Variants in FBXL7 observed in about 807,000 individuals in gnomAD.
FBXL7 encodes F-box/LRR-repeat protein 7.
Under a neutral mutation model 38.3 loss-of-function variants are expected in FBXL7, and 12 were observed. The ratio of observed to expected loss-of-function variants is 0.31; its 90% CI spans 0.20 to 0.51. The LOEUF (loss-of-function observed/expected upper bound fraction) is 0.51, where lower values mean the gene tolerates loss of function less well. Ranked by LOEUF, FBXL7 falls within the 20% of genes least tolerant of loss-of-function variation. FBXL7 has a pLI of 0.98. For missense variants in FBXL7, 567 were observed against 676.4 expected (o/e 0.84, Z 1.79); for synonymous variants, 297 against 300.9 (o/e 0.99, Z 0.13).
At chr5:15,787,224 A>G (rs1340233134) in intron 2 of FBXL7, among the ~76,000 whole-genome samples, 2 of 152,240 alleles carry the variant, frequency 1.3e-5, no homozygotes, top group Non-Finnish European at 2.9e-5. Context: ...TGGCAGCCCT[A>G]GAAAATTAAC....
chr5:15,894,671 A>G (rs1264493742), intron 2 of FBXL7, among the ~76,000 whole-genome samples: 1 of 152,142 alleles, frequency 6.6e-6, no homozygotes, highest in African/African-American at 2.4e-5. Context: ...ATTCTGCCAC[A>G]TTTTTAGTAG....
intron 1 of FBXL7, among the ~76,000 whole-genome samples, chr5:15,563,413 C>A (rs1175208993): frequency 6.6e-6 from 1 of 152,096 alleles, no homozygotes; most frequent in Non-Finnish European, 1.5e-5. Flanking sequence ...TGCGAAAGTT[C>A]TCTTAGGAAA....
intron 2 of FBXL7, among the ~76,000 whole-genome samples, chr5:15,652,550 G>C (rs886811099): frequency 6.6e-6 from 1 of 152,220 alleles, no homozygotes; most frequent in Non-Finnish European, 1.5e-5. Flanking sequence ...ACAGGCGTGA[G>C]CCATAAGCCT....
At chr5:15,816,033 A>C (rs1263438193) in intron 2 of FBXL7, among the ~76,000 whole-genome samples, 1 of 152,206 alleles carries the variant, frequency 6.6e-6, no homozygotes, top group Non-Finnish European at 1.5e-5. Context: ...CTGCTCAAAA[A>C]TAAATTATTA....
chr5:15,853,432 G>T (rs1482651622), intron 2 of FBXL7, among the ~76,000 whole-genome samples: 4 of 152,158 alleles, frequency 2.6e-5, no homozygotes, highest in Non-Finnish European at 5.9e-5. Context: ...AGGCATGGCT[G>T]GGTAGAGACC....
At chr5:15,706,695 A>G (rs1015174648) in intron 2 of FBXL7, among the ~76,000 whole-genome samples, 2 of 152,210 alleles carry the variant, frequency 1.3e-5, no homozygotes, top group African/African-American at 4.8e-5. Flanking sequence ...CAAAAAAACA[A>G]AAGAACAACA....
At chr5:15,929,805 C>T (rs6886664) in intron 3 of FBXL7, among the ~76,000 whole-genome samples, 1 of 151,714 alleles carries the variant, frequency 6.6e-6, no homozygotes, top group Admixed American at 6.6e-5. Flanking sequence ...GATGAACATT[C>T]GAGAGGCTGA....
chr5:15,857,370 C>T (rs189377268), intron 2 of FBXL7, among the ~76,000 whole-genome samples: 2 of 152,290 alleles, frequency 1.3e-5, no homozygotes, highest in African/African-American at 4.8e-5. Context: ...CAATTACTAT[C>T]CCCAGATTGC....
intron 1 of FBXL7, among the ~76,000 whole-genome samples, chr5:15,566,634 T>C (rs1326508653): frequency 6.6e-6 from 1 of 152,162 alleles, no homozygotes; most frequent in East Asian, 1.9e-4. Flanking sequence ...ACACATTTCA[T>C]ACAAGAAGCA....
chr5:15,615,573 T>A (rs753583764), intron 1 of FBXL7, among the ~76,000 whole-genome samples: 2 of 152,224 alleles, frequency 1.3e-5, no homozygotes, highest in Non-Finnish European at 2.9e-5. Flanking sequence ...CGGCTCTTGC[T>A]CCTCTGATTA....
At chr5:15,844,305 G>A (rs576818868) in intron 2 of FBXL7, among the ~76,000 whole-genome samples, 1 of 152,336 alleles carries the variant, frequency 6.6e-6, no homozygotes, top group South Asian at 2.1e-4. Context: ...CCACTTAGCT[G>A]CTGAAGCAAG....
rs529074115 is a variant in FBXL7, at chr5:15,777,229, A to G, written c.128-150661A>G. ...GTAGTGGAACTAGGGGCAAACCCCC[A>G]CCTTGGACCTCTAGATCCAGCATTG... On this transcript the variant is annotated intron_variant, in intron 2 of 3. Transcript: ENST00000504595. Among the ~76,000 whole-genome samples the G allele has an allele frequency of 3.9e-5, 6 of 152,204 alleles. No homozygotes were observed. The East Asian group carries it at 5.8e-4, about 15-fold the overall frequency.
At chr5:15,763,204 G>A (rs186200812) in intron 2 of FBXL7, among the ~76,000 whole-genome samples, 11 of 152,236 alleles carry the variant, frequency 7.2e-5, no homozygotes, top group Non-Finnish European at 1.3e-4. Flanking sequence ...CTTGCCACCT[G>A]TGGATACTAC....
In FBXL7 at chr5:15,519,351, A is replaced by T. The variant is rs543497802; in HGVS notation, c.37+18638A>T. Among the ~76,000 whole-genome samples, 66 of 152,014 alleles carry T rather than the reference A, an allele frequency of 4.3e-4. No homozygotes were observed. In the Middle Eastern group the frequency reaches 0.01, roughly 24 times the overall value. ...GAGCGAGACTCCATCTCAAAAAAAAATTCTTACTCTGCACTATTTTTAAAT... is the reference window on the plus strand; with the variant it reads ...GAGCGAGACTCCATCTCAAAAAAAATTTCTTACTCTGCACTATTTTTAAAT... On this transcript the variant is annotated intron_variant, in intron 1 of 3. Transcript: ENST00000504595.
chr5:15,764,030 G>T (rs1736522015), intron 2 of FBXL7, among the ~76,000 whole-genome samples: 1 of 152,188 alleles, frequency 6.6e-6, no homozygotes, highest in Non-Finnish European at 1.5e-5. Context: ...CCCAGAGCCT[G>T]AAGGCTCTAC....
At chr5:15,844,872 C>G (rs1382976588) in intron 2 of FBXL7, among the ~76,000 whole-genome samples, 2 of 152,172 alleles carry the variant, frequency 1.3e-5, no homozygotes, top group South Asian at 4.1e-4. Flanking sequence ...CTCCTGCATC[C>G]TCTCCCTAAA....
intron 2 of FBXL7, among the ~76,000 whole-genome samples, chr5:15,739,015 C>T (rs145496560): frequency 1.3e-5 from 2 of 152,348 alleles, no homozygotes; most frequent in African/African-American, 4.8e-5. Flanking sequence ...AGTACACGTT[C>T]ATTTCATGAT....
chr5:15,542,698 T>G (rs990844050), intron 1 of FBXL7, among the ~76,000 whole-genome samples: 6 of 152,168 alleles, frequency 3.9e-5, no homozygotes, highest in Admixed American at 2.6e-4. Flanking sequence ...AGTGGAGAGA[T>G]AAACTTCAGA....
chr5:15,610,118 C>A (rs2126508518), intron 1 of FBXL7, among the ~76,000 whole-genome samples: 1 of 152,294 alleles, frequency 6.6e-6, no homozygotes, highest in Non-Finnish European at 1.5e-5. Context: ...ATGGGGGAAA[C>A]CACCCCCATG....
Sources: gnomAD v4.1 joint callset for allele counts (sites outside exome capture counted in the v4.1 genomes callset) on GRCh38, gnomAD v4.1.1 for gene constraint, MANE v1.5 for transcripts, NCBI Gene and HGNC (gene_info 2026-07-23, HGNC 2026-07-21) for gene names.